The following NCOR1 variants were observed in gnomAD, a reference collection of about 807,000 sequenced individuals.
NCOR1 encodes protein phosphatase 1, regulatory subunit 109.
Under a neutral mutation model 288.1 loss-of-function variants are expected in NCOR1, and 63 were observed. The observed-to-expected ratio is 0.22, with a 90% CI of 0.18 to 0.27. NCOR1 has a LOEUF of 0.27. Among genes scored for constraint, NCOR1 ranks in the 10% least tolerant of loss-of-function variants. The probability of loss-of-function intolerance (pLI) is 1.00; values close to 1 mark genes in which losing one functional copy is unlikely to be tolerated. For synonymous variants in NCOR1, 1,007 were observed against 1,065.9 expected (o/e 0.94, Z 1.08); for missense variants, 2,397 against 3,019.2 (o/e 0.79, Z 4.83).
At chr17:16,153,298 A>C (rs1446253743) in intron 7 of NCOR1, 41 bp downstream of exon 7, 2 of 1,448,220 alleles carry the variant, frequency 1.4e-6, no homozygotes, top group Non-Finnish European at 1.9e-6. Context: ...ACCACCAAAA[A>C]TTAAAAAAAA....
At chr17:16,070,609 T>C in intron 30 of NCOR1, 84 bp from the exon 31 acceptor site, 1 of 1,527,852 alleles carries the variant, frequency 6.5e-7, no homozygotes, top group Non-Finnish European at 8.8e-7. Flanking sequence ...CCCATGGCAG[T>C]TACAGTTCAC....
intron 33 of NCOR1, among the ~76,000 whole-genome samples, 158 bp from the exon 34 acceptor site, chr17:16,065,177 A>G (rs2060978664): frequency 6.6e-6 from 1 of 152,214 alleles, no homozygotes. Flanking sequence ...GACATTCTTT[A>G]AAGAAGGATA....
Position 16,080,588 on chromosome 17 carries a change from A to T in NCOR1, c.3298+19T>A. The T allele has an allele frequency of 6.2e-7, 1 of 1,614,112 alleles. No homozygotes were observed. The highest frequency in any genetic ancestry group is 8.5e-7 in the Non-Finnish European group (1 of 1,179,990). On this transcript the variant is annotated intron_variant, in intron 24 of 45. Transcript: ENST00000268712. ...ATGCTACAAACGTAGATGCATTATG[A>T]CTGTATTAACTCACTGACCTGATTT...
chr17:16,067,855 A>T (rs1173974237), intron 32 of NCOR1, 39 bp downstream of exon 32: 1 of 1,560,058 alleles, frequency 6.4e-7, no homozygotes, highest in Admixed American at 1.8e-5. Flanking sequence ...CTGGTGGCAT[A>T]TTTATTTGCC....
intron 3 of NCOR1, among the ~76,000 whole-genome samples, chr17:16,182,149 T>C (rs1057407388): frequency 1.3e-5 from 2 of 152,144 alleles, no homozygotes; most frequent in African/African-American, 2.4e-5. Context: ...ACAATATTCA[T>C]AGTCTATAAA....
At chr17:16,076,602 T>C (rs2062491087) in intron 26 of NCOR1, among the ~76,000 whole-genome samples, 1 of 152,242 alleles carries the variant, frequency 6.6e-6, no homozygotes, top group Admixed American at 6.5e-5. Flanking sequence ...CCCCATGAGC[T>C]GAGCGAAAAT....
chr17:16,048,954 A>G lies in NCOR1; in HGVS notation c.6427T>C (p.Ser2143Pro). ...GAGATGGGCTCGTAGGGCTCCGAAG[A>G]GACGTGACTCCTCTCTGGGGATTTT... ...PGKSPERSHV[S>P]SEPYEPISPP... The change falls in exon 41 of 46, where the codon TCT becomes CCT. Residue 2143 changes from serine (S) to proline (P), a missense_variant. By Grantham distance (74) the Ser-to-Pro change is moderately conservative (BLOSUM62 -1). Around this residue, in one of 11 missense-constraint regions of NCOR1, gnomAD observed 1,872 missense variants for 2,187.8 expected, o/e 0.86. Coordinates refer to ENST00000268712, the MANE Select transcript of NCOR1 (RefSeq NM_006311.4). 3 of 1,612,184 alleles carry G rather than the reference A, an allele frequency of 1.9e-6. No individual in the cohort carries two copies. Among genetic ancestry groups the G allele is most frequent in the Non-Finnish European group, 1.7e-6 (2 of 1,178,774 alleles).
chr17:16,186,196 C>T (rs1247891819), intron 3 of NCOR1, among the ~76,000 whole-genome samples: 2 of 152,064 alleles, frequency 1.3e-5, no homozygotes, highest in Non-Finnish European at 2.9e-5. Context: ...GGAAAAACTT[C>T]GGCGATAAAA....
At chr17:16,037,368 G>T (rs1234514605) in intron 44 of NCOR1, among the ~76,000 whole-genome samples, 1 of 152,042 alleles carries the variant, frequency 6.6e-6, no homozygotes, top group East Asian at 1.9e-4. Context: ...GAAAAATAAT[G>T]CTGATAGACT....
chr17:16,072,320 ATAAAT>A, intron 28 of NCOR1, 92 bp from the exon 29 acceptor site: 1 of 932,862 alleles, frequency 1.1e-6, no homozygotes, highest in Non-Finnish European at 1.6e-6. Context: ...TATGTTTTTG[ATAAAT>A]GCTCTATGAA....
intron 17 of NCOR1, 58 bp downstream of exon 17, chr17:16,119,365 A>G: frequency 7.9e-7 from 1 of 1,268,846 alleles, no homozygotes; most frequent in Non-Finnish European, 1.1e-6. Flanking sequence ...CTCACTCATT[A>G]CTAATAACCC....
rs756770347 is a variant in NCOR1 at position 16,068,022 on chromosome 17, A to C, written c.4613T>G (p.Val1538Gly). 6.2e-6 allele frequency: 10 copies of C among 1,614,052 alleles called. No homozygotes were observed. Among genetic ancestry groups the C allele is most frequent in the Non-Finnish European group, 8.5e-6 (10 of 1,180,032 alleles). Residue 1538 changes from valine to glycine, a missense_variant, in exon 32 of 46, where the codon GTG (valine) becomes GGG (glycine). Val to Gly is a moderately radical substitution (Grantham distance 109). Transcript: ENST00000268712. ...SIPAKSPVPG[V>G]DPVVSHSPFD... ...CGGACTGTGGCTCACGACAGGGTCC[A>C]CCCCAGGCACTGGAGACTTCGCTGG...
At chr17:16,036,198 C>T (rs1243072010) in intron 44 of NCOR1, among the ~76,000 whole-genome samples, 2 of 152,310 alleles carry the variant, frequency 1.3e-5, no homozygotes, top group South Asian at 2.1e-4. Context: ...TCTCCTTGAA[C>T]CTTTCCATCA....
intron 4 of NCOR1, among the ~76,000 whole-genome samples, chr17:16,169,846 TTC>T (rs1210147976): frequency 6.6e-6 from 1 of 152,160 alleles, no homozygotes; most frequent in Non-Finnish European, 1.5e-5. Flanking sequence ...ATTTTTAAAT[TTC>T]TTTTTTTTAA....
intron 12 of NCOR1, 48 bp downstream of exon 12, chr17:16,138,960 C>A: frequency 7.5e-7 from 1 of 1,337,472 alleles, no homozygotes; most frequent in South Asian, 1.7e-5. Context: ...ATACTTTTTA[C>A]TAACTTATGT....
intron 14 of NCOR1, among the ~76,000 whole-genome samples, chr17:16,129,464 C>T (rs1243619797): frequency 6.6e-6 from 1 of 152,176 alleles, no homozygotes; most frequent in African/African-American, 2.4e-5. Flanking sequence ...TGGCTAACTG[C>T]CAGTTCCTCT....
intron 2 of NCOR1, among the ~76,000 whole-genome samples, chr17:16,192,510 C>G (rs1057094489): frequency 6.6e-6 from 1 of 151,980 alleles, no homozygotes; most frequent in Non-Finnish European, 1.5e-5. Context: ...ACAAAAATTA[C>G]CTGGGTGTGG....
At chr17:16,035,090 T>A in intron 44 of NCOR1, 146 bp from the exon 45 acceptor site, 1 of 747,358 alleles carries the variant, frequency 1.3e-6, no homozygotes. Flanking sequence ...AATAAAATAC[T>A]ACAGGCATAC....
intron 3 of NCOR1, among the ~76,000 whole-genome samples, chr17:16,181,176 G>A (rs1166373832): frequency 1.3e-5 from 2 of 148,696 alleles, no homozygotes; most frequent in Admixed American, 1.4e-4. Context: ...AAGAAAGAAA[G>A]AAAATGTGAT....
Sources: gnomAD v4.1 joint callset for allele counts (sites outside exome capture counted in the v4.1 genomes callset) on GRCh38, gnomAD v4.1.1 for gene constraint, gnomAD v4.1.1 regional missense constraint, MANE v1.5 for transcripts, NCBI Gene and HGNC (gene_info 2026-07-23, HGNC 2026-07-21) for gene names.